Variants in KCNQ5 observed in about 807,000 individuals in gnomAD.
KCNQ5 encodes the protein potassium voltage-gated channel subfamily KQT member 5.
In KCNQ5, 30 loss-of-function variants were observed where a neutral mutation model predicts 98.2. The observed-to-expected ratio is 0.31, with a 90% CI of 0.23 to 0.41. The LOEUF (loss-of-function observed/expected upper bound fraction) is 0.41, where lower values mean the gene tolerates loss of function less well. Ranked by LOEUF, KCNQ5 falls within the 10% of genes least tolerant of loss-of-function variation. KCNQ5 has a pLI of 1.00. For missense variants in KCNQ5, 835 were observed against 1,182.5 expected, an observed-to-expected ratio of 0.71 and a Z score of 4.31; for synonymous variants, 458 against 449.4, an observed-to-expected ratio of 1.02 and a Z score of -0.24.
intron 5 of KCNQ5, among the ~76,000 whole-genome samples, chr6:73,090,820 C>T (rs1443923266): frequency 6.6e-6 from 1 of 152,108 alleles, no homozygotes; most frequent in Non-Finnish European, 1.5e-5. Flanking sequence ...AGTCAGGAAA[C>T]AACAGATGCT....
intron 3 of KCNQ5, chr6:73,055,170 G>A: frequency 1.2e-6 from 1 of 836,618 alleles, no homozygotes; most frequent in Non-Finnish European, 2.1e-6. Flanking sequence ...TTCAGCGGCT[G>A]GTACGACGCC....
rs1765883265 is a variant in KCNQ5, at chr6:73,198,832, A to ATTTT, written c.*3420_*3421insTTTT. On this transcript the variant is annotated 3_prime_UTR_variant, in exon 14 of 14. Coordinates refer to ENST00000370398, the MANE Select transcript of KCNQ5 (RefSeq NM_019842.4). ...GGGATTATTTGTTTTAAAGTAAAAC[A>ATTTT]TTAAAAAGATGTCTATAAACAGCTA... is the stretch of plus-strand genomic sequence containing the variant. 6.6e-6 allele frequency: 1 copy of ATTTT among 152,262 alleles called. No homozygotes were observed. The highest frequency in any genetic ancestry group is 1.5e-5 in the Non-Finnish European group (1 of 68,044). The allele number at this position is 152,262 out of a possible 1,614,324, so 9.4% of individuals were successfully genotyped here. A position where few individuals can be genotyped will look rare whatever the true frequency, so the allele number is the denominator to read the frequency against.
chr6:72,893,124 G>C (rs1213261796), intron 1 of KCNQ5, among the ~76,000 whole-genome samples: 1 of 152,166 alleles, frequency 6.6e-6, no homozygotes, highest in Non-Finnish European at 1.5e-5. Context: ...GCCAGCAGAA[G>C]AGTAGGGTAG....
chr6:73,193,839 T>TG (rs1344046232), intron 13 of KCNQ5, among the ~76,000 whole-genome samples: 1 of 141,582 alleles, frequency 7.1e-6, no homozygotes, highest in East Asian at 1.9e-4. Flanking sequence ...GGGAAGTCTT[T>TG]TTTTTTTTTT....
intron 1 of KCNQ5, among the ~76,000 whole-genome samples, chr6:72,741,264 A>G (rs1467083168): frequency 6.6e-6 from 1 of 152,224 alleles, no homozygotes; most frequent in African/African-American, 2.4e-5. Context: ...AGTGAATACA[A>G]TGTTTCCTTT....
chr6:73,074,203 T>C (rs951317787), intron 3 of KCNQ5, among the ~76,000 whole-genome samples: 1 of 152,138 alleles, frequency 6.6e-6, no homozygotes, highest in African/African-American at 2.4e-5. Context: ...TTCTATGAAA[T>C]AGTAGATCAC....
At chr6:72,685,295 A>G (rs937208097) in intron 1 of KCNQ5, among the ~76,000 whole-genome samples, 1 of 152,224 alleles carries the variant, frequency 6.6e-6, no homozygotes, top group Non-Finnish European at 1.5e-5. Context: ...CTTAGAGTAA[A>G]TCCCTCAGTC....
At chr6:72,811,282 A>G (rs1775230660) in intron 1 of KCNQ5, among the ~76,000 whole-genome samples, 1 of 152,132 alleles carries the variant, frequency 6.6e-6, no homozygotes, top group African/African-American at 2.4e-5. Flanking sequence ...TAGTGGAGAG[A>G]GATTTTATTC....
chr6:72,631,061 GA>G (rs1345436913), intron 1 of KCNQ5, among the ~76,000 whole-genome samples: 1 of 152,156 alleles, frequency 6.6e-6, no homozygotes, highest in African/African-American at 2.4e-5. Flanking sequence ...ATGTATTAGT[GA>G]ATGATTGAAT....
At chr6:72,713,252 A>G (rs764911225) in intron 1 of KCNQ5, among the ~76,000 whole-genome samples, 1 of 152,148 alleles carries the variant, frequency 6.6e-6, no homozygotes, top group Non-Finnish European at 1.5e-5. Flanking sequence ...CCAAACAGGC[A>G]TTTTGAACTC....
At chr6:73,145,784 G>A (rs1217395489) in intron 10 of KCNQ5, among the ~76,000 whole-genome samples, 1 of 152,146 alleles carries the variant, frequency 6.6e-6, no homozygotes, top group African/African-American at 2.4e-5. Context: ...CTGAGACTGG[G>A]TGATTTATAA....
intron 1 of KCNQ5, among the ~76,000 whole-genome samples, chr6:72,822,870 T>C (rs2150115489): frequency 6.6e-6 from 1 of 152,258 alleles, no homozygotes; most frequent in East Asian, 1.9e-4. Flanking sequence ...ATGCATTTCC[T>C]CTTTTTCCAC....
intron 1 of KCNQ5, among the ~76,000 whole-genome samples, chr6:72,993,989 G>A (rs1262804745): frequency 1.2e-5 from 1 of 83,652 alleles, no homozygotes; most frequent in South Asian, 5.5e-4. Flanking sequence ...AGGGGTCAGG[G>A]ACCCACTTGA....
chr6:72,634,233 C>T (rs2098922718), intron 1 of KCNQ5, among the ~76,000 whole-genome samples: 1 of 152,106 alleles, frequency 6.6e-6, no homozygotes, highest in African/African-American at 2.4e-5. Context: ...GCCTTATTAC[C>T]TAGAATCAAG....
chr6:72,863,762 T>C (rs1777863131), intron 1 of KCNQ5, among the ~76,000 whole-genome samples: 1 of 152,204 alleles, frequency 6.6e-6, no homozygotes, highest in South Asian at 2.1e-4. Context: ...TGTGTAAGGG[T>C]GTTTTATTTA....
chr6:72,971,298 A>T (rs1767885713), intron 1 of KCNQ5, among the ~76,000 whole-genome samples: 1 of 152,240 alleles, frequency 6.6e-6, no homozygotes, highest in Admixed American at 6.5e-5. Flanking sequence ...ACAATGAGAT[A>T]CCATCTCACA....
At chr6:72,966,138 AG>A (rs1200482756) in intron 1 of KCNQ5, among the ~76,000 whole-genome samples, 1 of 152,224 alleles carries the variant, frequency 6.6e-6, no homozygotes, top group Non-Finnish European at 1.5e-5. Flanking sequence ...GAGCCCAAGA[AG>A]AATTTCTTGT....
At chr6:72,758,559 A>G (rs1206705113) in intron 1 of KCNQ5, among the ~76,000 whole-genome samples, 1 of 152,168 alleles carries the variant, frequency 6.6e-6, no homozygotes, top group Non-Finnish European at 1.5e-5. Flanking sequence ...CCAAGAGAGT[A>G]GAGAGGTAAA....
intron 10 of KCNQ5, among the ~76,000 whole-genome samples, chr6:73,144,689 G>C (rs1270644106): frequency 6.6e-6 from 1 of 152,206 alleles, no homozygotes; most frequent in Non-Finnish European, 1.5e-5. Flanking sequence ...CAGTTCTTCT[G>C]GTCTTAAGTG....
Sources: gnomAD v4.1 joint callset for allele counts (sites outside exome capture counted in the v4.1 genomes callset) on GRCh38, gnomAD v4.1.1 for gene constraint, MANE v1.5 for transcripts, NCBI Gene and HGNC (gene_info 2026-07-23, HGNC 2026-07-21) for gene names.